The following SLC36A2 variants were observed in gnomAD, a reference collection of about 807,000 sequenced individuals.
SLC36A2 encodes the protein proton-coupled amino acid transporter 2.
Under a neutral mutation model 42.7 loss-of-function variants are expected in SLC36A2, and 39 were observed. The ratio of observed to expected loss-of-function variants is 0.91; its 90% CI spans 0.71 to 1.19. The LOEUF (loss-of-function observed/expected upper bound fraction) is 1.19. Ranked by LOEUF, SLC36A2 falls within the 50% of genes most tolerant of loss-of-function variation. The pLI is 0.00. For missense variants in SLC36A2, 590 were observed against 613.7 expected, an observed-to-expected ratio of 0.96 and a Z score of 0.41; for synonymous variants, 237 against 240.8, an observed-to-expected ratio of 0.98 and a Z score of 0.15.
intron 1 of SLC36A2, 24 bp downstream of exon 1, chr5:151,347,273 G>C (rs377657972): frequency 3.8e-5 from 62 of 1,613,830 alleles, no homozygotes; most frequent in Non-Finnish European, 4.7e-5. Context: ...AGCAGAAATA[G>C]GGATGGCAGA....
rs147020183 is a variant in SLC36A2, at chr5:151,342,943, G to A, written c.385C>T (p.His129Tyr). Residue 129 changes from histidine (H) to tyrosine (Y), a missense_variant, in exon 4 of 10, where the codon CAT (histidine) becomes TAT (tyrosine). By Grantham distance (83) the His-to-Tyr change is moderately conservative. Coordinates refer to ENST00000335244, the MANE Select transcript of SLC36A2 (RefSeq NM_181776.3). ...PFMDYGDTVM[H>Y]GLEANPNAWL... ...GCGTTGGGGTTGGCTTCTAGTCCAT[G>A]CATCACCGTGTCCCCATAGTCCATA... 5.6e-6 allele frequency: 9 copies of A among 1,614,032 alleles called. No homozygotes were observed. The African/African-American group carries it at 1.2e-4, about 22-fold the overall frequency.
chr5:151,328,165 A>G (rs1238070746), intron 7 of SLC36A2, among the ~76,000 whole-genome samples: 2 of 152,184 alleles, frequency 1.3e-5, no homozygotes, highest in Non-Finnish European at 2.9e-5. Flanking sequence ...GACTATTCCA[A>G]ATTCTAAAAA....
chr5:151,335,265 T>G, intron 6 of SLC36A2, 64 bp downstream of exon 6: 1 of 1,306,866 alleles, frequency 7.7e-7, no homozygotes, highest in Non-Finnish European at 1.1e-6. Context: ...TATCTAAAGC[T>G]CAGTCTATCC....
Position 151,316,654 on chromosome 5 carries a change from C to A in SLC36A2, c.*163G>T. ...ACTCGGGAGGCTGAGGCAGGAGAAT[C>A]GCTTGAACCCAGGAGGCCGAAGTTG... On this transcript the variant is annotated 3_prime_UTR_variant, in exon 10 of 10. Coordinates refer to ENST00000335244, the MANE Select transcript of SLC36A2 (RefSeq NM_181776.3). 1 of 815,556 alleles carries A rather than the reference C, an allele frequency of 1.2e-6. No individual in the cohort carries two copies. Among genetic ancestry groups the A allele is most frequent in the Non-Finnish European group, 1.8e-6 (1 of 543,214 alleles). The allele number at this position is 815,556 out of a possible 1,614,324, so 50.5% of individuals were successfully genotyped here.
rs751221756 is a variant in SLC36A2, at chr5:151,322,790, CAG to C, written c.1011-577_1011-576del. 1.1e-4 allele frequency among the ~76,000 whole-genome samples: 17 copies of C among 152,278 alleles called. No homozygotes were observed. The East Asian group carries it at 2.9e-3, about 26-fold the overall frequency. ...AGTCAGGGTGGAATATAAGGAGAAA[CAG>C]GGGTACTTGCCAGCCTCAAGCTAGG... is the stretch of plus-strand genomic sequence containing the variant. On this transcript the variant is annotated intron_variant, in intron 8 of 9. Coordinates refer to ENST00000335244, the MANE Select transcript of SLC36A2 (RefSeq NM_181776.3).
intron 1 of SLC36A2, among the ~76,000 whole-genome samples, chr5:151,346,603 A>G (rs1756503860): frequency 6.6e-6 from 1 of 152,138 alleles, no homozygotes; most frequent in Non-Finnish European, 1.5e-5. Flanking sequence ...GAACCTCTTC[A>G]CTACCACACC....
chr5:151,343,055 GAC>G, intron 3 of SLC36A2, 72 bp from the exon 4 acceptor site: 2 of 1,239,824 alleles, frequency 1.6e-6, no homozygotes, highest in Non-Finnish European at 2.4e-6. Context: ...AAAGTCAGGA[GAC>G]ACAGAACAAG....
Position 151,347,545 on chromosome 5 carries a change from A to G in SLC36A2, c.-85T>C, listed in dbSNP as rs1756533724. On this transcript the variant is annotated 5_prime_UTR_variant, in exon 1 of 10. Coordinates refer to ENST00000335244, the MANE Select transcript of SLC36A2 (RefSeq NM_181776.3). ...GCAGGAAGGTGTCTAGTGTAGATGT[A>G]CACCCCAGCACAGTGGTGTGTGCCC... 1.3e-6 allele frequency: 2 copies of G among 1,532,122 alleles called. No homozygotes were observed. Among genetic ancestry groups the G allele is most frequent in the African/African-American group, 1.4e-5 (1 of 73,156 alleles). The allele number at this position is 1,532,122 out of a possible 1,614,324, so 94.9% of individuals were successfully genotyped here.
chr5:151,347,447 T>G lies in SLC36A2; in HGVS notation c.14A>C (p.Lys5Thr). 1 of 1,614,060 alleles carries G rather than the reference T, an allele frequency of 6.2e-7. No homozygotes were observed. The highest frequency in any genetic ancestry group is 1.1e-5 in the South Asian group (1 of 91,082). The change falls in exon 1 of 10, where the codon AAA (lysine) becomes ACA (threonine). Residue 5 changes from lysine to threonine, a missense_variant. Lys to Thr is a moderately conservative substitution (Grantham distance 78, BLOSUM62 -1). Coordinates refer to ENST00000335244, the MANE Select transcript of SLC36A2 (RefSeq NM_181776.3). Reference protein sequence around the residue: MSVTKSTEGPQGAVA... With the variant: MSVTTSTEGPQGAVA... ...GGCTCCCTGGGGACCCTCAGTACTTTTTGTCACAGACATGACTGCTTAAGA... is the reference window on the plus strand; with the variant it reads ...GGCTCCCTGGGGACCCTCAGTACTTGTTGTCACAGACATGACTGCTTAAGA...
intron 7 of SLC36A2, among the ~76,000 whole-genome samples, chr5:151,326,878 C>T (rs1359032841): frequency 6.7e-6 from 1 of 149,726 alleles, no homozygotes; most frequent in East Asian, 2.0e-4. Context: ...GTAGTACAAT[C>T]ACAGTTCACT....
intron 4 of SLC36A2, among the ~76,000 whole-genome samples, chr5:151,340,177 G>GGAGGA (rs1554098840): frequency 0.57 from 61,881 of 108,852 alleles, 17,770 homozygotes; most frequent in East Asian, 0.98. Context: ...GGAAGGAGGA[G>GGAGGA]GAGGAGGAAG....
chr5:151,340,628 GC>G (rs1756317702), intron 4 of SLC36A2, among the ~76,000 whole-genome samples: 1 of 152,180 alleles, frequency 6.6e-6, no homozygotes, highest in Non-Finnish European at 1.5e-5. Flanking sequence ...TTTAATAGTA[GC>G]CAAGTGAGGA....
chr5:151,335,611 C>G (rs941973171), intron 5 of SLC36A2, 64 bp from the exon 6 acceptor site: 43 of 1,181,660 alleles, frequency 3.6e-5, no homozygotes, highest in Non-Finnish European at 5.2e-5. Flanking sequence ...ATGGTTGACT[C>G]AGTGCCTTGC....
intron 5 of SLC36A2, among the ~76,000 whole-genome samples, chr5:151,336,072 G>A (rs1014810988): frequency 2.6e-5 from 4 of 151,858 alleles, no homozygotes; most frequent in Non-Finnish European, 2.9e-5. Flanking sequence ...AACTGGATTC[G>A]CAGTGGCTAT....
intron 5 of SLC36A2, chr5:151,338,835 A>C (rs1199292367): frequency 2.3e-6 from 1 of 426,010 alleles, no homozygotes; most frequent in East Asian, 5.3e-5. Context: ...GTAGAGATCA[A>C]CTTTGAGAAC....
In SLC36A2 at chr5:151,316,981, TGGTGA is replaced by T; in HGVS notation, c.1283_1287del (p.Val428AspfsTer95). 8.1e-6 allele frequency: 13 copies of T among 1,613,996 alleles called. No individual in the cohort carries two copies. The highest frequency in any genetic ancestry group is 1.0e-5 in the Non-Finnish European group (12 of 1,179,984). On this transcript the variant is annotated frameshift_variant, in exon 10 of 10. Transcript: ENST00000335244. LOFTEE classifies it high-confidence loss of function. The stretch of plus-strand genomic sequence containing the variant: ...GGGCTCATGCCCTCTGAGTAGAACG[TGGTGA>T]CCTCCAGGAGCGGTGGGATGATGAG...
intron 1 of SLC36A2, among the ~76,000 whole-genome samples, chr5:151,345,408 C>T (rs1756463758): frequency 6.6e-6 from 1 of 152,186 alleles, no homozygotes; most frequent in Admixed American, 6.5e-5. Flanking sequence ...CTGTAAATGT[C>T]AGGAGTGATG....
intron 9 of SLC36A2, 28 bp from the exon 10 acceptor site, chr5:151,317,116 GA>G: frequency 6.2e-7 from 1 of 1,611,782 alleles, no homozygotes. Flanking sequence ...TGGAGAGATG[GA>G]GCATTCCAGG....
At chr5:151,338,858 C>T (rs772375159) in intron 5 of SLC36A2, 15 of 480,266 alleles carry the variant, frequency 3.1e-5, no homozygotes, top group Non-Finnish European at 4.8e-5. Flanking sequence ...GTCTAAGATA[C>T]CGGATAAAGG....
Sources: gnomAD v4.1 joint callset for allele counts (sites outside exome capture counted in the v4.1 genomes callset) on GRCh38, gnomAD v4.1.1 for gene constraint, MANE v1.5 for transcripts, NCBI Gene and HGNC (gene_info 2026-07-23, HGNC 2026-07-21) for gene names.